PLS3: variants seen among roughly 807,000 people sequenced by gnomAD.
The protein encoded by PLS3 is plastin 3, also known as plastin-3.
A neutral mutation model predicts 46.5 loss-of-function variants in PLS3; 11 were observed. The ratio of observed to expected loss-of-function variants is 0.24; its 90% confidence interval spans 0.15 to 0.39. PLS3 has a LOEUF of 0.39. PLS3 is among the 10% of genes least tolerant of loss of function. PLS3 has a pLI of 1.00. For missense variants in PLS3, 308 were observed against 461.8 expected (o/e 0.67, Z 3.05); for synonymous variants, 167 against 162.2 (o/e 1.03, Z -0.22).
intron 1 of PLS3, among the ~76,000 whole-genome samples, chrX:115,586,319 G>A (rs2074308221): frequency 9.3e-6 from 1 of 107,171 alleles, no homozygotes; most frequent in Non-Finnish European, 1.9e-5. Context: ...TGAGTAGGAT[G>A]TTAACTCATT....
intron 6 of PLS3, among the ~76,000 whole-genome samples, 157 bp from the exon 7 acceptor site, chrX:115,634,724 C>G (rs782087538): frequency 7.6e-4 from 85 of 112,114 alleles, no homozygotes; most frequent in African/African-American, 2.6e-3. Flanking sequence ...CTTTCTAACA[C>G]AAAACTCTGG....
chrX:115,566,514 G>A (rs1476993553), intron 1 of PLS3, among the ~76,000 whole-genome samples: 1 of 109,101 alleles, frequency 9.2e-6, no homozygotes, highest in African/African-American at 3.3e-5. Context: ...TCAGCCTCCC[G>A]AGTAGCTGGG....
In PLS3 at chrX:115,629,953, T is replaced by C; in HGVS notation, c.486T>C (p.Asp162=). ...ATGACCTGTTCAAAGCTGTTGGTGATGGAATTGTGCTTTGGTAAGATGTTA... is the reference window on the plus strand; with the variant it reads ...ATGACCTGTTCAAAGCTGTTGGTGACGGAATTGTGCTTTGGTAAGATGTTA... ...NTDDLFKAVG[D]GIVLCKMINL... The change falls in exon 5 of 16, where the codon GAT becomes GAC. Residue 162 remains aspartate, a synonymous_variant. Coordinates refer to ENST00000355899, the MANE Select transcript of PLS3 (RefSeq NM_005032.7). 1 of 1,173,002 alleles carries C rather than the reference T, an allele frequency of 8.5e-7. No homozygotes were observed. The highest frequency in any genetic ancestry group is 1.1e-6 in the Non-Finnish European group (1 of 874,420).
At chrX:115,593,490 C>G (rs991404479) in intron 1 of PLS3, 9 of 111,447 alleles carry the variant, frequency 8.1e-5, no homozygotes, top group Non-Finnish European at 1.7e-4. Context: ...TTCTCTTTTT[C>G]TAGCAGGAAG....
chrX:115,588,937 G>A (rs2074327479), intron 1 of PLS3, among the ~76,000 whole-genome samples: 1 of 111,187 alleles, frequency 9.0e-6, no homozygotes, highest in African/African-American at 3.3e-5. Flanking sequence ...TGATTACTTA[G>A]TTACACAAAT....
At chrX:115,631,760 T>A (rs183548162) in intron 5 of PLS3, among the ~76,000 whole-genome samples, 2 of 110,851 alleles carry the variant, frequency 1.8e-5, no homozygotes, top group East Asian at 5.7e-4. Context: ...ACATTTCCTT[T>A]GTGTTCTGTT....
chrX:115,581,058 C>G (rs2074277065), intron 1 of PLS3, among the ~76,000 whole-genome samples: 1 of 111,100 alleles, frequency 9.0e-6, no homozygotes, highest in Non-Finnish European at 1.9e-5. Flanking sequence ...TCAGCCATAA[C>G]ATGAATGACC....
At chrX:115,582,671 C>G (rs2074285556) in intron 1 of PLS3, among the ~76,000 whole-genome samples, 2 of 112,326 alleles carry the variant, frequency 1.8e-5, no homozygotes, top group African/African-American at 6.5e-5. Flanking sequence ...TTAACAATGA[C>G]CATTATGTGT....
intron 9 of PLS3, among the ~76,000 whole-genome samples, chrX:115,642,038 CTTTTTT>C (rs782288958): frequency 1.5e-5 from 1 of 65,723 alleles, no homozygotes; most frequent in Non-Finnish European, 2.8e-5. Flanking sequence ...TCTTTAGGGT[CTTTTTT>C]TTTTTTTTTT....
At chrX:115,586,483 A>G (rs2074309251) in intron 1 of PLS3, among the ~76,000 whole-genome samples, 1 of 100,200 alleles carries the variant, frequency 1.0e-5, no homozygotes, top group African/African-American at 3.6e-5. Flanking sequence ...AGCCTGGCCA[A>G]CATAGTGAAA....
At chrX:115,648,967 G>A (rs1356865898) in intron 15 of PLS3, among the ~76,000 whole-genome samples, 1 of 111,203 alleles carries the variant, frequency 9.0e-6, no homozygotes, top group Non-Finnish European at 1.9e-5. Context: ...CACGTACCAC[G>A]TAGACTGTCT....
intron 3 of PLS3, among the ~76,000 whole-genome samples, chrX:115,626,860 T>A (rs2074716181): frequency 9.2e-6 from 1 of 108,206 alleles, no homozygotes; most frequent in Non-Finnish European, 1.9e-5. Flanking sequence ...TTTCCTTTTT[T>A]TTTTTCTGAG....
intron 2 of PLS3, chrX:115,611,021 A>G: frequency 6.7e-6 from 3 of 450,611 alleles, no homozygotes; most frequent in East Asian, 3.9e-5. Flanking sequence ...ATGTAAATAC[A>G]TGAATCAACA....
At chrX:115,622,580 A>G (rs2074667704) in intron 3 of PLS3, among the ~76,000 whole-genome samples, 171 bp downstream of exon 3, 1 of 111,876 alleles carries the variant, frequency 8.9e-6, no homozygotes. Flanking sequence ...CTGCTGGAAT[A>G]TCTTAACAAA....
chrX:115,594,500 A>G (rs2074368536), intron 1 of PLS3, among the ~76,000 whole-genome samples: 1 of 111,912 alleles, frequency 8.9e-6, no homozygotes, highest in African/African-American at 3.2e-5. Context: ...AGGCATTTTC[A>G]GTGACTTGCC....
At chrX:115,627,832 G>A (rs1291478214) in intron 3 of PLS3, among the ~76,000 whole-genome samples, 7 of 111,830 alleles carry the variant, frequency 6.3e-5, no homozygotes, top group Admixed American at 5.7e-4. Flanking sequence ...TCACAGGTAT[G>A]GAAATACTGA....
At chrX:115,633,196 C>T (rs1206545064) in intron 5 of PLS3, among the ~76,000 whole-genome samples, 1 of 108,350 alleles carries the variant, frequency 9.2e-6, no homozygotes, top group Admixed American at 9.9e-5. Context: ...TTTTTAACGG[C>T]ATCTTGCTGT....
chrX:115,607,458 G>A (rs2074504583), intron 1 of PLS3, among the ~76,000 whole-genome samples: 1 of 108,349 alleles, frequency 9.2e-6, no homozygotes, highest in Non-Finnish European at 1.9e-5. Context: ...GAATAGGCCA[G>A]CTTTGTTTTA....
rs1352135247 is a variant in PLS3 at position 115,647,533 on chromosome X, T to G, written c.1512-17T>G. The G allele has an allele frequency of 1.7e-6, 2 of 1,195,289 alleles. No individual in the cohort carries two copies. Among genetic ancestry groups the G allele is most frequent in the Non-Finnish European group, 2.3e-6 (2 of 885,646 alleles). On this transcript the variant is annotated splice_polypyrimidine_tract_variant and intron_variant, in intron 13 of 15. Coordinates refer to ENST00000355899, the MANE Select transcript of PLS3 (RefSeq NM_005032.7). ...CATAAAGTAGATGGTGACGTTTTCTTCTGCTGCCTCTCTTAGATATACCCT... is the reference window on the plus strand; with the variant it reads ...CATAAAGTAGATGGTGACGTTTTCTGCTGCTGCCTCTCTTAGATATACCCT...
Sources: gnomAD v4.1 joint callset for allele counts (sites outside exome capture counted in the v4.1 genomes callset) on GRCh38, gnomAD v4.1.1 for gene constraint, MANE v1.5 for transcripts, NCBI Gene and HGNC (gene_info 2026-07-23, HGNC 2026-07-21) for gene names.